The following UMAD1 variants were observed in gnomAD, a reference collection of about 807,000 sequenced individuals.
The protein encoded by UMAD1 is UBAP1-MVB12-associated (UMA)-domain containing protein 1.
UMAD1 carries 8 observed loss-of-function variants against 6.1 expected under a neutral mutation model. The observed-to-expected ratio is 1.30, with a 90% CI of 0.76 to 2.35. The LOEUF is 2.35. UMAD1 is among the 30% of genes most tolerant of loss of function. The pLI is 0.00. For synonymous variants in UMAD1, 56 were observed against 31.4 expected, an observed-to-expected ratio of 1.78 and a Z score of -2.61; for missense variants, 130 against 78.4, an observed-to-expected ratio of 1.66 and a Z score of -2.49.
chr7:7,846,701 A>G (rs1014174794), intron 3 of UMAD1, among the ~76,000 whole-genome samples: 1 of 152,080 alleles, frequency 6.6e-6, no homozygotes, highest in African/African-American at 2.4e-5. Flanking sequence ...GTCGAAACCA[A>G]TACTTTTCAA....
At position 7,878,588 on chromosome 7, in the gene UMAD1, A is replaced by G. The variant is rs1784468038; in HGVS notation, c.*1050A>G. On this transcript the variant is annotated 3_prime_UTR_variant, in exon 4 of 4. Transcript: ENST00000682710. ...CTGTAAAGGGAAGAGGTAAATTGTG[A>G]TAGAGAATTTTCTATGTCATGGGAA... The G allele has an allele frequency of 6.6e-6, 1 of 152,204 alleles. No homozygotes were observed. Among genetic ancestry groups the G allele is most frequent in the Non-Finnish European group, 1.5e-5 (1 of 68,024 alleles). The allele number at this position is 152,204 out of a possible 1,614,324, so 9.4% of individuals were successfully genotyped here. A position where few individuals can be genotyped will look rare whatever the true frequency, so the allele number is the denominator to read the frequency against.
At chr7:7,653,887 TA>T (rs1785282763) in intron 1 of UMAD1, among the ~76,000 whole-genome samples, 1 of 152,178 alleles carries the variant, frequency 6.6e-6, no homozygotes, top group South Asian at 2.1e-4. Flanking sequence ...CTAAACATGA[TA>T]CAGTGCTAAG....
intron 2 of UMAD1, among the ~76,000 whole-genome samples, chr7:7,685,454 T>G (rs1186019042): frequency 6.6e-6 from 1 of 151,720 alleles, no homozygotes; most frequent in African/African-American, 2.4e-5. Context: ...GGACTACAGG[T>G]GTGCGCCACC....
chr7:7,708,478 TG>T (rs1337455352), intron 2 of UMAD1, among the ~76,000 whole-genome samples: 4 of 152,336 alleles, frequency 2.6e-5, no homozygotes, highest in Admixed American at 6.5e-5. Context: ...TTTACCATTT[TG>T]GATATAAGGG....
At chr7:7,722,142 ACTCT>A (rs34667843) in intron 2 of UMAD1, among the ~76,000 whole-genome samples, 3,940 of 144,016 alleles carry the variant, frequency 0.027, 152 homozygotes, top group African/African-American at 0.084. Context: ...TCCTTAATAA[ACTCT>A]CTCTCTCTCT....
chr7:7,643,722 AAAACAAACAAACG>A (rs1330566303), intron 1 of UMAD1, among the ~76,000 whole-genome samples: 2 of 5,496 alleles, frequency 3.6e-4, no homozygotes, highest in Non-Finnish European at 7.5e-4. Context: ...AAAAAAAAAA[AAAACAAACAAACG>A]AAAAAAAAAG....
chr7:7,676,147 C>G (rs949527359), intron 2 of UMAD1: 1 of 398,514 alleles, frequency 2.5e-6, no homozygotes, highest in African/African-American at 2.1e-5. Flanking sequence ...AAAGTGCTGA[C>G]CCTGGGTCAG....
intron 2 of UMAD1, among the ~76,000 whole-genome samples, chr7:7,778,918 C>G (rs1406857001): frequency 1.3e-5 from 2 of 152,084 alleles, no homozygotes; most frequent in Non-Finnish European, 2.9e-5. Flanking sequence ...TAAGGGTTTC[C>G]TCTGTGCCAC....
chr7:7,689,390 A>C (rs1458917400), intron 2 of UMAD1: 3 of 152,212 alleles, frequency 2.0e-5, no homozygotes, highest in African/African-American at 7.2e-5. Flanking sequence ...AAAAGGAGGA[A>C]GCAACCATGA....
chr7:7,834,269 C>T (rs1330331262), intron 3 of UMAD1, among the ~76,000 whole-genome samples: 4 of 151,992 alleles, frequency 2.6e-5, no homozygotes, highest in African/African-American at 7.2e-5. Flanking sequence ...GTGATCCACC[C>T]GCCTCAGCCT....
chr7:7,689,745 T>G (rs58330639), intron 2 of UMAD1, among the ~76,000 whole-genome samples: 1 of 152,178 alleles, frequency 6.6e-6, no homozygotes, highest in African/African-American at 2.4e-5. Context: ...AGTTCAATTT[T>G]AAATGAAATT....
intron 1 of UMAD1, among the ~76,000 whole-genome samples, chr7:7,660,349 G>T (rs1311729293): frequency 6.6e-6 from 1 of 152,174 alleles, no homozygotes; most frequent in Non-Finnish European, 1.5e-5. Flanking sequence ...CCATTATTAT[G>T]CCAGCTGGTT....
intron 2 of UMAD1, among the ~76,000 whole-genome samples, chr7:7,739,631 A>G (rs1781424444): frequency 6.6e-6 from 1 of 152,246 alleles, no homozygotes; most frequent in Non-Finnish European, 1.5e-5. Context: ...TCAATCAAGC[A>G]AAAGCTTTAG....
At chr7:7,762,053 C>T (rs17137415) in intron 2 of UMAD1, among the ~76,000 whole-genome samples, 56,381 of 151,900 alleles carry the variant, frequency 0.37, 11,418 homozygotes, top group African/African-American at 0.52. Context: ...GGACTAAGGG[C>T]GTGCCAGAAT....
chr7:7,746,955 TTGTGTGTGTG>T (rs36223422), intron 2 of UMAD1, among the ~76,000 whole-genome samples: 9,092 of 148,584 alleles, frequency 0.061, 371 homozygotes, highest in Middle Eastern at 0.13. Context: ...GAGTGCATGT[TTGTGTGTGTG>T]TGTGTGTGTG....
chr7:7,854,780 C>T (rs562605878), intron 3 of UMAD1, among the ~76,000 whole-genome samples: 1 of 152,270 alleles, frequency 6.6e-6, no homozygotes, highest in Non-Finnish European at 1.5e-5. Context: ...AGCATTATTC[C>T]AGCATTAACC....
rs772070557 is a variant in UMAD1, at chr7:7,781,957, T to C, written c.83-19713T>C. Among the ~76,000 whole-genome samples the C allele has an allele frequency of 6.8e-4, 104 of 152,226 alleles. 2 individuals are homozygous for C. The Middle Eastern group carries it at 0.014, about 20-fold the overall frequency. On this transcript the variant is annotated intron_variant, in intron 2 of 3. Coordinates refer to ENST00000682710, the MANE Select transcript of UMAD1 (RefSeq NM_001302348.2). ...TTTTTATCAGTTCTCAACTATTTTC[T>C]CTAGCTTTGTATTTTGAATGAAGCA...
chr7:7,748,312 A>G (rs1193136706), intron 2 of UMAD1, among the ~76,000 whole-genome samples: 2 of 152,026 alleles, frequency 1.3e-5, no homozygotes, highest in African/African-American at 4.8e-5. Flanking sequence ...TTTATGTCAT[A>G]AAATTATAAT....
At chr7:7,675,913 G>GCCTCATTTCCC (rs1467563880) in intron 2 of UMAD1, among the ~76,000 whole-genome samples, 1 of 152,152 alleles carries the variant, frequency 6.6e-6, no homozygotes. Context: ...TCTCTGTTTA[G>GCCTCATTTCCC]CCTCATTTCC....
Sources: gnomAD v4.1 joint callset for allele counts (sites outside exome capture counted in the v4.1 genomes callset) on GRCh38, gnomAD v4.1.1 for gene constraint, MANE v1.5 for transcripts, NCBI Gene and HGNC (gene_info 2026-07-23, HGNC 2026-07-21) for gene names.